The following GPR89B variants were observed in gnomAD, a reference collection of about 807,000 sequenced individuals.
GPR89B encodes golgi pH regulator B, also known as G protein-coupled receptor 89B.
A neutral mutation model predicts 52.4 loss-of-function variants in GPR89B; 25 were observed. The observed-to-expected ratio is 0.48, with a 90% CI of 0.35 to 0.67. The LOEUF (loss-of-function observed/expected upper bound fraction) is 0.67. Ranked by LOEUF, GPR89B falls within the 30% of genes least tolerant of loss-of-function variation. The pLI, the probability that GPR89B is intolerant of heterozygous loss-of-function variation, is 0.01. For missense variants in GPR89B, 146 were observed against 450.2 expected, an observed-to-expected ratio of 0.32 and a Z score of 6.11; for synonymous variants, 52 against 151.2, an observed-to-expected ratio of 0.34 and a Z score of 4.81.
intron 10 of GPR89B, among the ~76,000 whole-genome samples, chr1:147,981,694 C>G (rs1658263947): frequency 6.6e-6 from 1 of 151,792 alleles, no homozygotes; most frequent in Admixed American, 6.6e-5. Context: ...ACTCTGTTGC[C>G]CAGGCTGGAG....
chr1:147,947,685 A>C (rs1328131588), intron 5 of GPR89B, among the ~76,000 whole-genome samples: 9 of 152,150 alleles, frequency 5.9e-5, no homozygotes, highest in Non-Finnish European at 1.0e-4. Context: ...TGTTAAAAGG[A>C]ATAAAGGTAG....
intron 7 of GPR89B, among the ~76,000 whole-genome samples, chr1:147,964,159 G>A (rs1176206745): frequency 9.3e-5 from 14 of 151,322 alleles, no homozygotes; most frequent in African/African-American, 3.2e-4. Context: ...TATTTCAGTT[G>A]AGGAAATCTG....
chr1:147,996,669 G>A, downstream of GPR89B: 1 of 1,611,194 alleles, frequency 6.2e-7, no homozygotes, highest in Non-Finnish European at 8.5e-7. Flanking sequence ...AGAGAAGTGG[G>A]AGTAGGAGCT....
intron 10 of GPR89B, among the ~76,000 whole-genome samples, chr1:147,985,527 CA>C (rs2149092373): frequency 6.6e-6 from 1 of 152,024 alleles, no homozygotes; most frequent in African/African-American, 2.4e-5. Context: ...GGAACGCAGC[CA>C]AGTCCATTCA....
the GPR89B span, among the ~76,000 whole-genome samples, chr1:148,018,418 CAA>C: frequency 1.2e-4 from 7 of 58,946 alleles, no homozygotes; most frequent in Admixed American, 5.7e-4. Context: ...GACTCCGTCT[CAA>C]AAAAAAAAAA....
intron 12 of GPR89B, 127 bp from the exon 13 acceptor site, chr1:147,992,375 G>C: frequency 1.4e-6 from 1 of 735,612 alleles, no homozygotes; most frequent in African/African-American, 1.8e-5. Flanking sequence ...TTAATCATAT[G>C]AATTGTTCTA....
intron 5 of GPR89B, among the ~76,000 whole-genome samples, chr1:147,950,618 G>A (rs1259886553): frequency 2.0e-5 from 3 of 152,160 alleles, no homozygotes; most frequent in South Asian, 2.1e-4. Flanking sequence ...CCGAGATCAC[G>A]CCGCTGCACT....
chr1:147,982,999 A>G (rs2149089962), intron 10 of GPR89B, among the ~76,000 whole-genome samples: 1 of 152,170 alleles, frequency 6.6e-6, no homozygotes, highest in East Asian at 1.9e-4. Flanking sequence ...TTGGCACCGA[A>G]CAGAGCCCTC....
the GPR89B span, among the ~76,000 whole-genome samples, chr1:148,001,710 C>A: frequency 4.6e-5 from 7 of 150,962 alleles, no homozygotes; most frequent in Non-Finnish European, 8.8e-5. Context: ...TCAGAACTCA[C>A]CCCAGAAACT....
intron 10 of GPR89B, among the ~76,000 whole-genome samples, chr1:147,973,808 A>G (rs1157006879): frequency 2.0e-5 from 3 of 151,600 alleles, no homozygotes; most frequent in Non-Finnish European, 4.4e-5. Flanking sequence ...GGGGTTTTAC[A>G]TTTAAGTCTT....
chr1:148,000,775 T>TA, the GPR89B span, among the ~76,000 whole-genome samples: 1,850 of 72,484 alleles, frequency 0.026, 36 homozygotes, highest in Admixed American at 0.084. Flanking sequence ...GTGTTAAAAG[T>TA]AAAAAAAAAA....
At chr1:148,011,651 CAG>C in the GPR89B span, 4 of 152,210 alleles carry the variant, frequency 2.6e-5, no homozygotes, top group Admixed American at 1.3e-4. Context: ...GCAGCGGAGA[CAG>C]AGTCTCACGC....
At chr1:148,021,369 G>T in the GPR89B span, among the ~76,000 whole-genome samples, 87 of 151,948 alleles carry the variant, frequency 5.7e-4, 1 homozygote, top group Admixed American at 5.7e-3. Context: ...GGGGGTGGTG[G>T]CTGGCACCTG....
intron 5 of GPR89B, among the ~76,000 whole-genome samples, chr1:147,950,016 CG>C (rs1655478890): frequency 7.3e-6 from 1 of 136,498 alleles, no homozygotes; most frequent in Non-Finnish European, 1.6e-5. Flanking sequence ...GCTGGCCGGG[CG>C]GGGGGCTGAC....
At chr1:147,968,342 C>T (rs1657181920) in intron 8 of GPR89B, 1 of 453,754 alleles carries the variant, frequency 2.2e-6, no homozygotes, top group Non-Finnish European at 4.4e-6. Context: ...CTTCACTTTC[C>T]TTATGTGCAA....
intron 5 of GPR89B, among the ~76,000 whole-genome samples, chr1:147,952,555 G>T (rs1655801477): frequency 6.6e-6 from 1 of 152,074 alleles, no homozygotes; most frequent in East Asian, 1.9e-4. Flanking sequence ...TATAGCTCTG[G>T]CATTTGACCA....
At chr1:147,951,780 A>G (rs1655728837) in intron 5 of GPR89B, among the ~76,000 whole-genome samples, 1 of 151,904 alleles carries the variant, frequency 6.6e-6, no homozygotes, top group Admixed American at 6.6e-5. Flanking sequence ...GATTATCACT[A>G]GCAATATCCC....
At chr1:147,939,486 T>C (rs1450632814) in intron 3 of GPR89B, among the ~76,000 whole-genome samples, 3 of 152,204 alleles carry the variant, frequency 2.0e-5, no homozygotes, top group African/African-American at 7.2e-5. Flanking sequence ...TGTGCTTTTT[T>C]ATCACCACCT....
At chr1:148,021,845 G>C in the GPR89B span, 1 of 147,964 alleles carries the variant, frequency 6.8e-6, no homozygotes, top group South Asian at 2.2e-4. Context: ...GCCTGAGGAG[G>C]ACACTCTGAA....
Sources: allele counts gnomAD v4.1 joint callset (sites outside exome capture counted in the v4.1 genomes callset), GRCh38; gene constraint gnomAD v4.1.1; transcripts MANE v1.5; gene names NCBI Gene and HGNC (gene_info 2026-07-23, HGNC 2026-07-21).